CD46: variants seen among roughly 807,000 people sequenced by gnomAD.
CD46 encodes the protein membrane cofactor protein.
A neutral mutation model predicts 53.3 loss-of-function variants in CD46; 30 were observed. That is an observed-to-expected ratio of 0.56 (90% CI 0.42 to 0.76). CD46 has a LOEUF of 0.76. CD46 is among the 30% of genes least tolerant of loss of function. CD46 has a pLI of 0.00. For missense variants in CD46, 409 were observed against 463.0 expected, an observed-to-expected ratio of 0.88 and a Z score of 1.07; for synonymous variants, 142 against 152.0, an observed-to-expected ratio of 0.93 and a Z score of 0.48.
chr1:207,783,685 G>A lies in CD46; in HGVS notation c.982+355G>A, dbSNP rs1659004201. 3 of 166,980 alleles carry A rather than the reference G, an allele frequency of 1.8e-5. No individual in the cohort carries two copies. The East Asian group carries it at 4.8e-4, about 27-fold the overall frequency. 10.3% of individuals were successfully genotyped at this position (166,980 alleles called of 1,614,324 possible). ...TTAAAAAAAAAGATGAAGTGCAGTT[G>A]TGATATAGGCCAATGAAAAATAAAG... On this transcript the variant is annotated intron_variant, in intron 9 of 12. Transcript: ENST00000367042.
chr1:207,795,359 CAG>C lies in CD46; in HGVS notation c.*1884_*1885del, dbSNP rs1363401447. 1 of 152,056 alleles carries C rather than the reference CAG, an allele frequency of 6.6e-6. No individual in the cohort carries two copies. Among genetic ancestry groups the C allele is most frequent in the African/African-American group, 2.4e-5 (1 of 41,396 alleles). 9.4% of individuals were successfully genotyped at this position (152,056 alleles called of 1,614,324 possible). A position where few individuals can be genotyped will look rare whatever the true frequency, so the allele number is the denominator to read the frequency against. ...TTTCTCTGGAAGTTTGTTTAAATGA[CAG>C]AAGCGTATATGAATTCAAGAAAATT... On this transcript the variant is annotated 3_prime_UTR_variant, in exon 13 of 13. Coordinates refer to ENST00000367042, the MANE Select transcript of CD46 (RefSeq NM_172351.3).
intron 5 of CD46, among the ~76,000 whole-genome samples, chr1:207,764,522 A>G (rs1345683928): frequency 2.6e-5 from 4 of 152,106 alleles, no homozygotes; most frequent in Non-Finnish European, 5.9e-5. Flanking sequence ...CTTAGCCAAA[A>G]AGCTTTATAT....
chr1:207,753,486 A>C lies in CD46; in HGVS notation c.97+1177A>C, dbSNP rs1427339861. Among the ~76,000 whole-genome samples the C allele has an allele frequency of 7.2e-5, 11 of 152,370 alleles. No homozygotes were observed. In the East Asian group the frequency reaches 2.1e-3, roughly 29 times the overall value. On this transcript the variant is annotated intron_variant, in intron 1 of 12. Transcript: ENST00000367042. ...GGAGTTCAAGATCAACCTGGGCAAC[A>C]TGGCAAAACCTTGTCTCTACAAAAA...
At position 207,792,760 on chromosome 1, in the gene CD46, G is replaced by A. The variant is rs568483971; in HGVS notation, c.*42-759G>A. Among the ~76,000 whole-genome samples the A allele has an allele frequency of 2.0e-4, 31 of 152,298 alleles. 1 individual carries two copies. In the South Asian group the frequency reaches 4.4e-3, roughly 21 times the overall value. On this transcript the variant is annotated intron_variant, in intron 12 of 12. Transcript: ENST00000367042. ...GTGCTGTCCAGTTCAATAGCCATGC[G>A]TGACTGCTAAGGACTTCCAAAGTGG... is the stretch of plus-strand genomic sequence containing the variant.
chr1:207,768,455 C>G (rs1434438867), intron 7 of CD46: 1 of 152,626 alleles, frequency 6.6e-6, no homozygotes, highest in East Asian at 1.9e-4. Context: ...GAAATTTCTG[C>G]TGTCCTCAGA....
chr1:207,754,207 A>T (rs1655250879), intron 1 of CD46, among the ~76,000 whole-genome samples: 1 of 152,188 alleles, frequency 6.6e-6, no homozygotes, highest in Non-Finnish European at 1.5e-5. Flanking sequence ...TTAACAAATG[A>T]TTGGAGAGAG....
At chr1:207,776,656 TCTCA>T (rs753486141) in intron 8 of CD46, among the ~76,000 whole-genome samples, 4 of 152,260 alleles carry the variant, frequency 2.6e-5, no homozygotes, top group Non-Finnish European at 5.9e-5. Flanking sequence ...TGAGACCGGG[TCTCA>T]CTCTGTTGCC....
chr1:207,767,446 T>G, intron 6 of CD46: 1 of 752,068 alleles, frequency 1.3e-6, no homozygotes, highest in Non-Finnish European at 2.3e-6. Context: ...GGGTATATGC[T>G]TTTAATATTT....
chr1:207,793,337 T>G lies in CD46; in HGVS notation c.*42-182T>G, dbSNP rs565925725. 1.3e-4 allele frequency among the ~76,000 whole-genome samples: 19 copies of G among 151,788 alleles called. No homozygotes were observed. The South Asian group carries it at 3.9e-3, about 32-fold the overall frequency. Reference sequence around the variant, plus strand: ...AATATAAGACAGGGATAAAGGAAGGTTTTTTTTACAGTGAGACCAGTTGAA... The same window carrying G: ...AATATAAGACAGGGATAAAGGAAGGGTTTTTTTACAGTGAGACCAGTTGAA... On this transcript the variant is annotated intron_variant, in intron 12 of 12. Coordinates refer to ENST00000367042, the MANE Select transcript of CD46 (RefSeq NM_172351.3).
intron 12 of CD46, among the ~76,000 whole-genome samples, chr1:207,790,684 T>TA (rs1571704024): frequency 6.6e-6 from 1 of 152,228 alleles, no homozygotes; most frequent in East Asian, 1.9e-4. Context: ...CAACTCATTT[T>TA]AAGTGCAAGG....
chr1:207,757,834 G>A (rs1655738633), intron 3 of CD46, among the ~76,000 whole-genome samples, 192 bp downstream of exon 3: 2 of 152,222 alleles, frequency 1.3e-5, no homozygotes, highest in African/African-American at 4.8e-5. Context: ...GATATTTAAG[G>A]AAAGCAAAAC....
In CD46 at chr1:207,774,479, G is replaced by A. The variant is rs545660257; in HGVS notation, c.943+4117G>A. On this transcript the variant is annotated intron_variant, in intron 8 of 12. Transcript: ENST00000367042. ...ACTGATGCAGTTTCTTCATAGCATC[G>A]ATGGTCTTTACCATTTGGTATGTTT... Among the ~76,000 whole-genome samples the A allele has an allele frequency of 8.1e-4, 123 of 152,290 alleles. 1 individual carries two copies. The highest frequency in any genetic ancestry group is 1.3e-4 in the Non-Finnish European group (9 of 68,014).
At chr1:207,767,287 CAAA>C (rs532074191) in intron 6 of CD46, 92 bp downstream of exon 6, 1 of 1,118,354 alleles carries the variant, frequency 8.9e-7, no homozygotes, top group Non-Finnish European at 1.4e-6. Flanking sequence ...ATCAGTCATA[CAAA>C]ATAACTGAAA....
chr1:207,758,650 C>T (rs1373047502), intron 3 of CD46, among the ~76,000 whole-genome samples: 1 of 152,058 alleles, frequency 6.6e-6, no homozygotes, highest in Non-Finnish European at 1.5e-5. Flanking sequence ...AGAGACAAAC[C>T]AGATTCAAAC....
chr1:207,779,007 G>A (rs1245659713), intron 8 of CD46, among the ~76,000 whole-genome samples: 1 of 152,064 alleles, frequency 6.6e-6, no homozygotes, highest in African/African-American at 2.4e-5. Flanking sequence ...CACCTCCCTG[G>A]TTAGCTGTAT....
In CD46 at chr1:207,759,850, A is replaced by G. The variant is rs545397992; in HGVS notation, c.475+126A>G. 1.6e-4 allele frequency: 100 copies of G among 631,148 alleles called. 1 individual carries two copies. In the South Asian group the frequency reaches 1.7e-3, roughly 11 times the overall value. The allele number at this position is 631,148 out of a possible 1,614,324, so 39.1% of individuals were successfully genotyped here. ...GGTTTCTTTTATGTGGGTTATATCT[A>G]TTGGTATTTATCATATTGGAATTCA... On this transcript the variant is annotated intron_variant, in intron 4 of 12. Transcript: ENST00000367042.
intron 8 of CD46, among the ~76,000 whole-genome samples, chr1:207,773,624 C>T (rs574720080): frequency 6.2e-4 from 95 of 152,244 alleles, no homozygotes; most frequent in African/African-American, 2.0e-3. Flanking sequence ...TAAAGAACAA[C>T]TTTATTTCAG....
intron 5 of CD46, among the ~76,000 whole-genome samples, chr1:207,763,829 G>A (rs867982219): frequency 7.1e-6 from 1 of 140,400 alleles, no homozygotes; most frequent in Admixed American, 7.1e-5. Flanking sequence ...AGTCAACAGC[G>A]TTAACGTATG....
intron 8 of CD46, among the ~76,000 whole-genome samples, chr1:207,777,988 G>A (rs1658302272): frequency 6.6e-6 from 1 of 152,074 alleles, no homozygotes; most frequent in African/African-American, 2.4e-5. Context: ...ATTCTGACTG[G>A]TGTGAAATGG....
Sources: allele counts gnomAD v4.1 joint callset (sites outside exome capture counted in the v4.1 genomes callset), GRCh38; gene constraint gnomAD v4.1.1; transcripts MANE v1.5; gene names NCBI Gene and HGNC (gene_info 2026-07-23, HGNC 2026-07-21).